Variants in AKAP9 observed in about 807,000 individuals in gnomAD.
AKAP9 encodes the protein A-kinase anchoring protein 9, also known as A-kinase anchor protein 9.
In AKAP9, 311 loss-of-function variants were observed where a neutral mutation model predicts 488.5. The observed-to-expected ratio is 0.64, with a 90% CI of 0.58 to 0.70. AKAP9 has a LOEUF of 0.70. Among genes scored for constraint, AKAP9 ranks in the 30% least tolerant of loss-of-function variants. AKAP9 has a pLI of 0.00. For missense variants in AKAP9, 4,215 were observed against 4,374.5 expected, an observed-to-expected ratio of 0.96 and a Z score of 1.03; for synonymous variants, 1,462 against 1,483.5, an observed-to-expected ratio of 0.99 and a Z score of 0.33.
chr7:92,071,350 G>A (rs913317734), intron 28 of AKAP9, among the ~76,000 whole-genome samples: 55 of 151,458 alleles, frequency 3.6e-4, no homozygotes, highest in African/African-American at 1.2e-3. Flanking sequence ...TCTCCTAACC[G>A]TAGAATACAT....
Position 92,062,306 on chromosome 7 carries a change from C to G in AKAP9, c.5797C>G (p.Leu1933Val). ...TGATGGCTATGCAGATGAAAAAACT[C>G]TTTTTGAAAGGCAAATTCAGGAAAA... ...VIDGYADEKT[L>V]FERQIQEKTD... is the part of the protein sequence containing the mutation. Residue 1933 changes from leucine (L) to valine (V), a missense_variant, in exon 24 of 50, where the codon CTT becomes GTT. Leu to Val is a conservative substitution (Grantham distance 32). Transcript: ENST00000356239. 6.2e-7 allele frequency: 1 copy of G among 1,613,624 alleles called. No individual in the cohort carries two copies. The highest frequency in any genetic ancestry group is 8.5e-7 in the Non-Finnish European group (1 of 1,179,704).
At chr7:92,077,579 T>C in intron 29 of AKAP9, 117 bp from the exon 30 acceptor site, 1 of 891,524 alleles carries the variant, frequency 1.1e-6, no homozygotes, top group Non-Finnish European at 1.8e-6. Context: ...ACAGTAACCA[T>C]ATGGTGTCTC....
In AKAP9 at chr7:92,092,799, AG is replaced by A. The variant is rs570863525; in HGVS notation, c.9359-297del. The A allele has an allele frequency of 1.3e-3, 429 of 328,244 alleles. 2 individuals carry two copies. The highest frequency in any genetic ancestry group is 8.4e-3 in the African/African-American group (393 of 46,748). 20.3% of individuals were successfully genotyped at this position (328,244 alleles called of 1,614,324 possible). A position where few individuals can be genotyped will look rare whatever the true frequency, so the allele number is the denominator to read the frequency against. On this transcript the variant is annotated intron_variant, in intron 38 of 49. Coordinates refer to ENST00000356239, the MANE Select transcript of AKAP9 (RefSeq NM_005751.5). ...GTCGATGGGACTACAGGCACATGCC[AG>A]CACGCCCAGCTAATTTTTGTATTTT... is the stretch of plus-strand genomic sequence containing the variant.
chr7:92,027,455 G>T lies in AKAP9; in HGVS notation c.4149-2440G>T, dbSNP rs534159628. 5.2e-3 allele frequency among the ~76,000 whole-genome samples: 747 copies of T among 142,960 alleles called. 3 individuals carry two copies. The highest frequency in any genetic ancestry group is 8.0e-3 in the Non-Finnish European group (524 of 65,874). 93.8% of individuals were successfully genotyped at this position (142,960 alleles called of 152,430 possible). ...CCGCCCTGTCTGGGAAGTGAGGAGA[G>T]CCTCTGCCCGGCCGCCCATCGTCTG... On this transcript the variant is annotated intron_variant, in intron 14 of 49. Transcript: ENST00000356239.
intron 38 of AKAP9, chr7:92,092,157 T>C (rs899219779): frequency 1.3e-5 from 2 of 152,214 alleles, no homozygotes; most frequent in African/African-American, 4.8e-5. Context: ...AAAGGAATCC[T>C]GATACATATT....
At chr7:92,012,733 C>G in intron 9 of AKAP9, 91 bp downstream of exon 9, 10 of 1,061,578 alleles carry the variant, frequency 9.4e-6, no homozygotes, top group Non-Finnish European at 1.4e-5. Flanking sequence ...TCATAGAACC[C>G]ACAGAGGAAG....
intron 47 of AKAP9, among the ~76,000 whole-genome samples, chr7:92,106,044 G>A (rs770128344): frequency 2.0e-5 from 3 of 152,224 alleles, no homozygotes; most frequent in Non-Finnish European, 4.4e-5. Context: ...ATCTGGGGTG[G>A]AACAGTTTCA....
chr7:91,950,421 G>A (rs952595557), intron 1 of AKAP9, among the ~76,000 whole-genome samples: 15 of 151,900 alleles, frequency 9.9e-5, no homozygotes, highest in Non-Finnish European at 1.3e-4. Flanking sequence ...TAGTAGAGAC[G>A]GGGTTTCACT....
At chr7:92,061,611 TATATATATAA>T (rs1304056664) in intron 23 of AKAP9, among the ~76,000 whole-genome samples, 189 bp downstream of exon 23, 2 of 140,120 alleles carry the variant, frequency 1.4e-5, no homozygotes, top group African/African-American at 5.5e-5. Context: ...TATATATATA[TATATATATAA>T]AATTATAAAA....
At chr7:92,089,263 A>C (rs1473075549) in intron 37 of AKAP9, 122 bp from the exon 38 acceptor site, 5 of 1,055,624 alleles carry the variant, frequency 4.7e-6, no homozygotes. Flanking sequence ...AAAATAAGAA[A>C]ATTTTTTAAA....
At chr7:92,017,301 A>G (rs972800401) in intron 12 of AKAP9, among the ~76,000 whole-genome samples, 199 bp downstream of exon 12, 3 of 152,108 alleles carry the variant, frequency 2.0e-5, no homozygotes, top group African/African-American at 7.2e-5. Flanking sequence ...TAACCCCTTT[A>G]GAGAGTTTTT....
In AKAP9 at chr7:92,038,600, A is replaced by T; in HGVS notation, c.4520A>T (p.Asp1507Val). The change falls in exon 17 of 50, where the codon GAT (aspartate) becomes GTT (valine). Residue 1507 changes from aspartate (D) to valine (V), a missense_variant. Transcript: ENST00000356239. ...QIGFQTFETVDVKFKEEFKPL... is the reference protein window; with the variant it reads ...QIGFQTFETVVVKFKEEFKPL... Reference sequence around the variant, plus strand: ...GGTTTTCAGACTTTTGAGACAGTGGATGTGAAATTTAAAGAAGAATTTAAA... The same window carrying T: ...GGTTTTCAGACTTTTGAGACAGTGGTTGTGAAATTTAAAGAAGAATTTAAA... 1 of 1,613,890 alleles carries T rather than the reference A, an allele frequency of 6.2e-7. No individual in the cohort carries two copies. The highest frequency in any genetic ancestry group is 8.5e-7 in the Non-Finnish European group (1 of 1,179,906).
intron 44 of AKAP9, chr7:92,100,092 A>G: frequency 2.2e-6 from 1 of 457,194 alleles, no homozygotes; most frequent in Non-Finnish European, 4.0e-6. Context: ...TGGGTTGTAT[A>G]CATACAGAAT....
chr7:92,030,034 T>A, intron 15 of AKAP9, 43 bp downstream of exon 15: 1 of 1,295,668 alleles, frequency 7.7e-7, no homozygotes, highest in Non-Finnish European at 1.1e-6. Context: ...TTATATACAC[T>A]GATTTTTCTA....
chr7:92,006,108 C>T (rs945476877), intron 8 of AKAP9, among the ~76,000 whole-genome samples: 2 of 151,836 alleles, frequency 1.3e-5, no homozygotes, highest in African/African-American at 2.4e-5. Flanking sequence ...TGAATTTGAC[C>T]CTCAGATGGT....
chr7:91,947,905 C>T (rs1282315541), intron 1 of AKAP9, among the ~76,000 whole-genome samples: 1 of 152,196 alleles, frequency 6.6e-6, no homozygotes, highest in African/African-American at 2.4e-5. Flanking sequence ...ACTTCCCAAA[C>T]ATCTTTCCAT....
At chr7:91,951,577 G>A (rs994012878) in intron 1 of AKAP9, among the ~76,000 whole-genome samples, 1 of 152,118 alleles carries the variant, frequency 6.6e-6, no homozygotes, top group Non-Finnish European at 1.5e-5. Context: ...CTCCCACCTT[G>A]GCCTCCCAGT....
At position 92,086,400 on chromosome 7, in the gene AKAP9, A is replaced by G. The variant is rs1260195887; in HGVS notation, c.9197A>G (p.Gln3066Arg). Residue 3066 changes from glutamine (Q) to arginine (R), a missense_variant, in exon 37 of 50, where the codon CAG becomes CGG. By Grantham distance (43) the Gln-to-Arg change is conservative. Around this residue, in one of 5 missense-constraint regions of AKAP9, gnomAD observed 1,476 missense variants for 1,477.4 expected, o/e 1.00. Coordinates refer to ENST00000356239, the MANE Select transcript of AKAP9 (RefSeq NM_005751.5). ...GTTGGTTTACTAAACTGTTTGGAAC[A>G]GAGAATACAAGAACAGGTATAATGA... The part of the protein sequence containing the change: ...DAVGLLNCLE[Q>R]RIQEQGVEYQ... 8.1e-6 allele frequency: 13 copies of G among 1,613,284 alleles called. No individual in the cohort carries two copies. The highest frequency in any genetic ancestry group is 1.0e-5 in the Non-Finnish European group (12 of 1,179,344).
At chr7:92,081,491 A>ATTT (rs1461709427) in intron 31 of AKAP9, among the ~76,000 whole-genome samples, 1 of 118,194 alleles carries the variant, frequency 8.5e-6, no homozygotes, top group South Asian at 2.6e-4. Context: ...ATATATATAT[A>ATTT]TATATATTTT....
Sources: allele counts gnomAD v4.1 joint callset (sites outside exome capture counted in the v4.1 genomes callset), GRCh38; gene constraint gnomAD v4.1.1; regional missense constraint gnomAD v4.1.1; transcripts MANE v1.5; gene names NCBI Gene and HGNC (gene_info 2026-07-23, HGNC 2026-07-21).